Variants in PRUNE2 observed in about 807,000 individuals in gnomAD.
PRUNE2 encodes the protein protein prune homolog 2.
A neutral mutation model predicts 252.0 loss-of-function variants in PRUNE2; 164 were observed. The ratio of observed to expected loss-of-function variants is 0.65; its 90% CI spans 0.57 to 0.74. The LOEUF (loss-of-function observed/expected upper bound fraction) is 0.74. Ranked by LOEUF, PRUNE2 falls within the 30% of genes least tolerant of loss-of-function variation. The pLI, the probability that PRUNE2 is intolerant of heterozygous loss-of-function variation, is 0.00. For synonymous variants in PRUNE2, 1,292 were observed against 1,350.2 expected, an observed-to-expected ratio of 0.96 and a Z score of 0.94; for missense variants, 3,495 against 3,711.0, an observed-to-expected ratio of 0.94 and a Z score of 1.51.
At chr9:76,669,784 G>A (rs2040954877) in intron 9 of PRUNE2, among the ~76,000 whole-genome samples, 1 of 152,196 alleles carries the variant, frequency 6.6e-6, no homozygotes. Context: ...TGGAGGAGCA[G>A]AAAGGGATGC....
intron 6 of PRUNE2, among the ~76,000 whole-genome samples, chr9:76,766,090 G>GGA (rs2052347264): frequency 6.6e-6 from 1 of 151,682 alleles, no homozygotes; most frequent in Non-Finnish European, 1.5e-5. Flanking sequence ...GGCTGAGGCA[G>GGA]GAGAATCGCT....
At chr9:76,884,088 C>T (rs1401390839) in intron 1 of PRUNE2, among the ~76,000 whole-genome samples, 1 of 152,126 alleles carries the variant, frequency 6.6e-6, no homozygotes. Flanking sequence ...CCCTTCTCTC[C>T]TCTCTCCATT....
intron 6 of PRUNE2, among the ~76,000 whole-genome samples, chr9:76,751,251 GACAC>G (rs3048276): frequency 2.5e-4 from 38 of 149,242 alleles, no homozygotes; most frequent in Non-Finnish European, 3.1e-4. Context: ...AGGGGACACA[GACAC>G]ACACACACAC....
intron 9 of PRUNE2, among the ~76,000 whole-genome samples, chr9:76,694,251 C>T (rs976280538): frequency 4.0e-5 from 6 of 151,450 alleles, no homozygotes; most frequent in East Asian, 1.9e-4. Flanking sequence ...GGTGAGATCT[C>T]GGTTCACTGC....
chr9:76,646,502 G>C (rs1308717316), intron 11 of PRUNE2, among the ~76,000 whole-genome samples: 2 of 152,174 alleles, frequency 1.3e-5, no homozygotes, highest in African/African-American at 4.8e-5. Context: ...ACCAGCATGC[G>C]GCAGCTTATC....
intron 4 of PRUNE2, among the ~76,000 whole-genome samples, chr9:76,830,332 G>T (rs1339409005): frequency 6.6e-6 from 1 of 152,144 alleles, no homozygotes; most frequent in Non-Finnish European, 1.5e-5. Flanking sequence ...CAAAATTAAT[G>T]AAAGAAAGAC....
Position 76,703,378 on chromosome 9 carries a change from T to C in PRUNE2, c.8235A>G (p.Thr2745=). 6.2e-7 allele frequency: 1 copy of C among 1,609,290 alleles called. No individual in the cohort carries two copies. The change falls in exon 9 of 19, where the codon ACA becomes ACG. Residue 2745 remains threonine, a synonymous_variant. Coordinates refer to ENST00000376718, the MANE Select transcript of PRUNE2 (RefSeq NM_015225.3). ...TCCTGGTTCCGAGCTCAAGGAACTC[T>C]GTCTCCTCCTCCATTTCCGTGTCAG... The part of the protein sequence containing the change: ...MIPDTEMEEE[T]EFLELGTRIS...
chr9:76,740,141 G>A (rs1218701302), intron 6 of PRUNE2: 2 of 150,530 alleles, frequency 1.3e-5, no homozygotes, highest in Admixed American at 1.3e-4. Context: ...ATTATATGTG[G>A]AGGTTAATTT....
At chr9:76,714,317 C>G (rs770954347) in intron 6 of PRUNE2, among the ~76,000 whole-genome samples, 1 of 152,112 alleles carries the variant, frequency 6.6e-6, no homozygotes, top group Non-Finnish European at 1.5e-5. Context: ...ATCCCAATAC[C>G]TCAGATTACC....
chr9:76,692,990 C>G (rs952407048), intron 9 of PRUNE2: 2 of 135,010 alleles, frequency 1.5e-5, no homozygotes, highest in Non-Finnish European at 3.0e-5. Flanking sequence ...CCACCCCCTC[C>G]CCCCCTCCAA....
chr9:76,624,427 C>A, intron 17 of PRUNE2, 25 bp downstream of exon 17: 1 of 1,401,290 alleles, frequency 7.1e-7, no homozygotes, highest in South Asian at 1.8e-5. Context: ...ATCATGCCAG[C>A]CGCTAAACGA....
intron 9 of PRUNE2, among the ~76,000 whole-genome samples, chr9:76,672,088 A>G (rs2041603680): frequency 6.6e-6 from 1 of 151,994 alleles, no homozygotes; most frequent in Non-Finnish European, 1.5e-5. Flanking sequence ...AAATGCTCCA[A>G]TTAAAAGACA....
intron 6 of PRUNE2, among the ~76,000 whole-genome samples, chr9:76,805,965 T>C (rs1389844306): frequency 1.3e-5 from 2 of 152,184 alleles, no homozygotes; most frequent in Non-Finnish European, 2.9e-5. Context: ...AGATAATTCA[T>C]GTAAAGCACC....
intron 6 of PRUNE2, among the ~76,000 whole-genome samples, chr9:76,715,995 T>C (rs1174078445): frequency 6.7e-6 from 1 of 149,144 alleles, no homozygotes; most frequent in East Asian, 2.1e-4. Context: ...GTTATGTATA[T>C]AAAGGCCTCC....
At chr9:76,698,531 C>T (rs1216115078) in intron 9 of PRUNE2, among the ~76,000 whole-genome samples, 1 of 152,218 alleles carries the variant, frequency 6.6e-6, no homozygotes, top group African/African-American at 2.4e-5. Context: ...AGCATCAACT[C>T]ACCTCTGAGA....
chr9:76,675,125 G>C (rs1250677270), intron 9 of PRUNE2, among the ~76,000 whole-genome samples: 1 of 100,442 alleles, frequency 1.0e-5, no homozygotes, highest in Non-Finnish European at 2.3e-5. Context: ...GAGTGAACAG[G>C]CAACCTACAA....
chr9:76,662,242 T>G, intron 9 of PRUNE2, among the ~76,000 whole-genome samples: 1 of 152,244 alleles, frequency 6.6e-6, no homozygotes, highest in South Asian at 2.1e-4. Flanking sequence ...TCTTTGCACC[T>G]TCTCTAATGA....
At chr9:76,889,669 T>C (rs2062343051) in intron 1 of PRUNE2, among the ~76,000 whole-genome samples, 1 of 152,088 alleles carries the variant, frequency 6.6e-6, no homozygotes, top group Admixed American at 6.5e-5. Context: ...TGAAATACAG[T>C]AGCAACAGAC....
intron 1 of PRUNE2, among the ~76,000 whole-genome samples, chr9:76,899,506 T>C (rs886836309): frequency 2.6e-5 from 4 of 152,188 alleles, no homozygotes; most frequent in Admixed American, 2.6e-4. Flanking sequence ...TCCAAAAATC[T>C]AAACCTGGCC....
Sources: allele counts gnomAD v4.1 joint callset (sites outside exome capture counted in the v4.1 genomes callset), GRCh38; gene constraint gnomAD v4.1.1; transcripts MANE v1.5; gene names NCBI Gene and HGNC (gene_info 2026-07-23, HGNC 2026-07-21).